Variants in MYOF observed in about 807,000 individuals in gnomAD.
MYOF encodes myoferlin.
In MYOF, 244 loss-of-function variants were observed where a neutral mutation model predicts 284.2. The ratio of observed to expected loss-of-function variants is 0.86; its 90% CI spans 0.77 to 0.95. The LOEUF (loss-of-function observed/expected upper bound fraction) is 0.95. Ranked by LOEUF, MYOF falls within the 40% of genes least tolerant of loss-of-function variation. MYOF has a pLI of 0.00. For synonymous variants in MYOF, 904 were observed against 919.7 expected (o/e 0.98, Z 0.31); for missense variants, 2,496 against 2,560.6 (o/e 0.97, Z 0.54).
At chr10:93,416,755 G>A (rs1338998260) in intron 5 of MYOF, among the ~76,000 whole-genome samples, 1 of 151,648 alleles carries the variant, frequency 6.6e-6, no homozygotes, top group Non-Finnish European at 1.5e-5. Flanking sequence ...ACACCACCAC[G>A]CCTGGCTAAT....
intron 19 of MYOF, among the ~76,000 whole-genome samples, chr10:93,382,297 G>A (rs2134006195): frequency 1.3e-5 from 2 of 151,716 alleles, no homozygotes; most frequent in Middle Eastern, 3.4e-3. Context: ...GGAGTGCAAT[G>A]GCATGATCAC....
Position 93,325,924 on chromosome 10 carries a change from C to T in MYOF, c.5173G>A (p.Glu1725Lys). 2 of 1,614,070 alleles carry T rather than the reference C, an allele frequency of 1.2e-6. No homozygotes were observed. Among genetic ancestry groups the T allele is most frequent in the Non-Finnish European group, 1.7e-6 (2 of 1,180,010 alleles). ...ILHQHLGAPE[E>K]RLALHILRTQ... ...CTGAGGATGTGAAGAGCAAGCCGCT[C>T]TTCAGGGGCCCCGAGGTGCTGGTGC... The change falls in exon 46 of 54, where the codon GAG becomes AAG. Residue 1725 changes from glutamate (E) to lysine (K), a missense_variant. Physicochemically the swap from Glu to Lys is moderately conservative, Grantham distance 56. Transcript: ENST00000359263.
intron 37 of MYOF, among the ~76,000 whole-genome samples, chr10:93,346,067 T>C (rs1844171708): frequency 6.6e-6 from 1 of 152,262 alleles, no homozygotes; most frequent in Non-Finnish European, 1.5e-5. Flanking sequence ...CTCCATTTAG[T>C]AACCTCAAAT....
intron 1 of MYOF, among the ~76,000 whole-genome samples, chr10:93,458,269 C>T (rs2056791629): frequency 6.6e-6 from 1 of 152,200 alleles, no homozygotes; most frequent in East Asian, 1.9e-4. Context: ...GGGAGGATCC[C>T]TTGAGCCCAG....
At chr10:93,307,963 C>T (rs745544077) in intron 53 of MYOF, among the ~76,000 whole-genome samples, 4 of 150,736 alleles carry the variant, frequency 2.7e-5, no homozygotes, top group Non-Finnish European at 4.4e-5. Context: ...ATTAACTAGA[C>T]CGGGTGCAGT....
chr10:93,425,955 G>C, intron 5 of MYOF, 116 bp downstream of exon 5: 3 of 1,058,204 alleles, frequency 2.8e-6, no homozygotes, highest in Non-Finnish European at 4.2e-6. Flanking sequence ...CCCCTGTCTG[G>C]GTGGGCAGGG....
Position 93,392,902 on chromosome 10 carries a change from T to C in MYOF, c.1456+15A>G. 6.2e-7 allele frequency: 1 copy of C among 1,606,862 alleles called. No homozygotes were observed. The highest frequency in any genetic ancestry group is 8.5e-7 in the Non-Finnish European group (1 of 1,173,972). On this transcript the variant is annotated intron_variant, in intron 17 of 53. Coordinates refer to ENST00000359263, the MANE Select transcript of MYOF (RefSeq NM_013451.4). ...TAGGAAGATATAACAGAGAGCAAAA[T>C]TACGAAGCATAAACCTGTATATGAT...
intron 5 of MYOF, among the ~76,000 whole-genome samples, chr10:93,414,620 C>T (rs1443953987): frequency 1.3e-5 from 2 of 152,142 alleles, no homozygotes; most frequent in Admixed American, 1.3e-4. Flanking sequence ...CTGCAAAGAC[C>T]CTGTTTCCAA....
At chr10:93,425,675 G>C (rs368805420) in intron 5 of MYOF, 1 of 200,186 alleles carries the variant, frequency 5.0e-6, no homozygotes, top group East Asian at 1.4e-4. Flanking sequence ...AGCAGAGCCC[G>C]GTGGTGGCAC....
At chr10:93,456,058 A>G (rs2056738584) in intron 2 of MYOF, among the ~76,000 whole-genome samples, 1 of 152,218 alleles carries the variant, frequency 6.6e-6, no homozygotes, top group Non-Finnish European at 1.5e-5. Flanking sequence ...ATATGTCTTC[A>G]GTAGAATATT....
At chr10:93,376,558 T>C (rs1845844725) in intron 22 of MYOF, among the ~76,000 whole-genome samples, 1 of 152,166 alleles carries the variant, frequency 6.6e-6, no homozygotes, top group Admixed American at 6.5e-5. Flanking sequence ...TTACCTGGCT[T>C]TACCACTAGG....
intron 21 of MYOF, 33 bp from the exon 22 acceptor site, chr10:93,377,462 T>C (rs1046952591): frequency 1.4e-6 from 2 of 1,451,202 alleles, no homozygotes; most frequent in Non-Finnish European, 1.9e-6. Context: ...AAATAATTGA[T>C]AATTGTTCAT....
In MYOF at chr10:93,428,566, AACACACACACACACAC is replaced by A. The variant is rs58503520; in HGVS notation, c.346-2424_346-2409del. ...TTTGCCACTTTTCCTACATCTGGTA[AACACACACACACACAC>A]ACACACACACACACACACACACACA... On this transcript the variant is annotated intron_variant, in intron 4 of 53. Coordinates refer to ENST00000359263, the MANE Select transcript of MYOF (RefSeq NM_013451.4). Among the ~76,000 whole-genome samples the A allele has an allele frequency of 9.6e-3, 1,379 of 143,890 alleles. 8 individuals carry two copies. Among genetic ancestry groups the A allele is most frequent in the Admixed American group, 0.018 (254 of 14,324 alleles). The allele number at this position is 143,890 out of a possible 152,430, so 94.4% of individuals were successfully genotyped here.
intron 29 of MYOF, among the ~76,000 whole-genome samples, chr10:93,357,747 A>G (rs1052886998): frequency 6.6e-6 from 1 of 152,208 alleles, no homozygotes; most frequent in African/African-American, 2.4e-5. Context: ...GCAGTGAAAA[A>G]TTTCACATAG....
intron 45 of MYOF, 90 bp downstream of exon 45, chr10:93,328,672 AC>A (rs926209967): frequency 3.8e-6 from 5 of 1,327,238 alleles, no homozygotes; most frequent in Non-Finnish European, 5.2e-6. Flanking sequence ...TAATTAGGGT[AC>A]TGGCTCTGTC....
At chr10:93,345,164 G>A (rs569881971) in intron 37 of MYOF, among the ~76,000 whole-genome samples, 10 of 152,350 alleles carry the variant, frequency 6.6e-5, no homozygotes, top group South Asian at 2.1e-4. Context: ...GGACATAAAG[G>A]AGGAGAAACA....
At chr10:93,352,855 T>C (rs898977368) in intron 32 of MYOF, among the ~76,000 whole-genome samples, 2 of 152,222 alleles carry the variant, frequency 1.3e-5, no homozygotes, top group Non-Finnish European at 2.9e-5. Context: ...TTTGAAAATG[T>C]CTTCAAAGAC....
chr10:93,424,869 G>A (rs945925630), intron 5 of MYOF, among the ~76,000 whole-genome samples: 3 of 149,412 alleles, frequency 2.0e-5, no homozygotes, highest in African/African-American at 7.3e-5. Flanking sequence ...AGAAGAAGAT[G>A]AGCCCCGAGG....
chr10:93,310,319 C>A, intron 52 of MYOF, 152 bp from the exon 53 acceptor site: 1 of 1,124,976 alleles, frequency 8.9e-7, no homozygotes, highest in Non-Finnish European at 1.3e-6. Flanking sequence ...GGCTCTTTAA[C>A]CTACGACAGC....
Sources: allele counts gnomAD v4.1 joint callset (sites outside exome capture counted in the v4.1 genomes callset), GRCh38; gene constraint gnomAD v4.1.1; transcripts MANE v1.5; gene names NCBI Gene and HGNC (gene_info 2026-07-23, HGNC 2026-07-21).